Variants in CXCL13 observed in about 807,000 individuals in gnomAD.
The protein encoded by CXCL13 is C-X-C motif chemokine ligand 13, also known as C-X-C motif chemokine 13.
CXCL13 carries 7 observed loss-of-function variants against 12.2 expected under a neutral mutation model. The ratio of observed to expected loss-of-function variants is 0.57; its 90% CI spans 0.33 to 1.07. The LOEUF (loss-of-function observed/expected upper bound fraction) is 1.07. Ranked by LOEUF, CXCL13 falls within the 50% of genes least tolerant of loss-of-function variation. The pLI is 0.04. For missense variants in CXCL13, 113 were observed against 127.4 expected, an observed-to-expected ratio of 0.89 and a Z score of 0.55; for synonymous variants, 47 against 42.4, an observed-to-expected ratio of 1.11 and a Z score of -0.42.
chr4:77,574,870 T>A (rs1453589304), intron 1 of CXCL13, among the ~76,000 whole-genome samples: 1 of 151,994 alleles, frequency 6.6e-6, no homozygotes, highest in Non-Finnish European at 1.5e-5. Context: ...TGTGGTACCC[T>A]TTAAGTTCAT....
intron 1 of CXCL13, among the ~76,000 whole-genome samples, chr4:77,577,243 C>T (rs1357549223): frequency 6.6e-6 from 1 of 152,082 alleles, no homozygotes; most frequent in East Asian, 1.9e-4. Context: ...TTAACCATAG[C>T]CACCAGTTAT....
At chr4:77,544,868 T>A (rs1725312489) in intron 1 of CXCL13, among the ~76,000 whole-genome samples, 1 of 152,324 alleles carries the variant, frequency 6.6e-6, no homozygotes, top group East Asian at 1.9e-4. Flanking sequence ...TCTAGGGTTT[T>A]TATGGTTTTA....
intron 1 of CXCL13, among the ~76,000 whole-genome samples, chr4:77,517,159 G>A (rs958214919): frequency 6.6e-6 from 1 of 152,152 alleles, no homozygotes. Flanking sequence ...TGATTGCACT[G>A]TGGTCTGAGA....
intron 1 of CXCL13, among the ~76,000 whole-genome samples, chr4:77,523,682 T>C (rs1480056517): frequency 6.6e-6 from 1 of 152,186 alleles, no homozygotes; most frequent in Non-Finnish European, 1.5e-5. Context: ...GAGAAGTTTG[T>C]TATTACCGAT....
Position 77,532,220 on chromosome 4 carries a change from T to G in CXCL13, c.-43+20432T>G, listed in dbSNP as rs1481665869. Among the ~76,000 whole-genome samples the G allele has an allele frequency of 2.6e-5, 4 of 152,084 alleles. No homozygotes were observed. The South Asian group carries it at 6.2e-4, about 24-fold the overall frequency. On this transcript the variant is annotated intron_variant, in intron 1 of 4. Coordinates refer to the CXCL13 transcript ENST00000286758. The stretch of plus-strand genomic sequence containing the variant: ...TTTCCATGTTTAGTGCTTCCTTCAG[T>G]AGCTCTTTTAGGGCAGGCCTGGTGG...
At chr4:77,592,606 A>G (rs1227068277) in intron 1 of CXCL13, among the ~76,000 whole-genome samples, 1 of 149,676 alleles carries the variant, frequency 6.7e-6, no homozygotes, top group Non-Finnish European at 1.5e-5. Context: ...GTCAATATAT[A>G]ATGAAATTAA....
At chr4:77,558,580 T>A (rs1282143038) in intron 1 of CXCL13, among the ~76,000 whole-genome samples, 1 of 152,214 alleles carries the variant, frequency 6.6e-6, no homozygotes, top group Non-Finnish European at 1.5e-5. Context: ...TTCAAACTCC[T>A]GACCTCAGGT....
chr4:77,545,173 G>C (rs1231314589), intron 1 of CXCL13, among the ~76,000 whole-genome samples: 1 of 152,160 alleles, frequency 6.6e-6, no homozygotes, highest in Non-Finnish European at 1.5e-5. Context: ...TTTGAAGTCA[G>C]GTAGGGTGAT....
intron 1 of CXCL13, among the ~76,000 whole-genome samples, chr4:77,544,750 A>G (rs1173288720): frequency 6.6e-6 from 1 of 152,158 alleles, no homozygotes; most frequent in African/African-American, 2.4e-5. Flanking sequence ...CTTTAGTTTA[A>G]TTAGATCTCA....
rs138444245 is a variant in CXCL13, at chr4:77,592,061, A to T, written c.-42-13763A>T. Among the ~76,000 whole-genome samples the T allele has an allele frequency of 3.7e-3, 562 of 152,340 alleles. 1 individual carries two copies. The highest frequency in any genetic ancestry group is 0.013 in the African/African-American group (535 of 41,568). ...AAAGAAATAATTGGATCATTATCAC[A>T]TGATCCAGCAATCCCACTTCTGGAT... On this transcript the variant is annotated intron_variant, in intron 1 of 4. Transcript: ENST00000286758.
At chr4:77,516,170 G>T (rs1426352363) in intron 1 of CXCL13, among the ~76,000 whole-genome samples, 1 of 152,166 alleles carries the variant, frequency 6.6e-6, no homozygotes, top group Admixed American at 6.5e-5. Flanking sequence ...ACTTGATCAT[G>T]GTGGATAAGC....
chr4:77,564,995 A>T (rs1330852964), intron 1 of CXCL13, among the ~76,000 whole-genome samples: 1 of 152,050 alleles, frequency 6.6e-6, no homozygotes, highest in Non-Finnish European at 1.5e-5. Context: ...TCACAAGCAC[A>T]TTTTCCATGG....
chr4:77,603,185 A>G (rs923901257), upstream of CXCL13, among the ~76,000 whole-genome samples: 7 of 152,226 alleles, frequency 4.6e-5, no homozygotes, highest in South Asian at 2.1e-4. Flanking sequence ...ACAAGAAAAT[A>G]TATAGTACTT....
intron 1 of CXCL13, among the ~76,000 whole-genome samples, chr4:77,567,170 T>A (rs1725959556): frequency 6.6e-6 from 1 of 152,150 alleles, no homozygotes; most frequent in Non-Finnish European, 1.5e-5. Context: ...GAGAATGTAC[T>A]TTGTAAGATC....
chr4:77,549,933 C>T (rs937118458), intron 1 of CXCL13, among the ~76,000 whole-genome samples: 7 of 152,218 alleles, frequency 4.6e-5, no homozygotes, highest in African/African-American at 1.7e-4. Flanking sequence ...TTCAGCTATG[C>T]CCTGCCCCCA....
upstream of CXCL13, among the ~76,000 whole-genome samples, chr4:77,602,700 T>C (rs1481142630): frequency 6.6e-6 from 1 of 152,192 alleles, no homozygotes; most frequent in African/African-American, 2.4e-5. Flanking sequence ...AAAAATCAGG[T>C]TTGATATAAA....
At chr4:77,537,455 A>G (rs1299432396) in intron 1 of CXCL13, among the ~76,000 whole-genome samples, 3 of 152,216 alleles carry the variant, frequency 2.0e-5, no homozygotes, top group Non-Finnish European at 4.4e-5. Flanking sequence ...AGAGAACAAA[A>G]GTGGTTATTG....
intron 1 of CXCL13, among the ~76,000 whole-genome samples, chr4:77,592,975 G>T (rs1272088791): frequency 6.6e-6 from 1 of 152,210 alleles, no homozygotes; most frequent in South Asian, 2.1e-4. Flanking sequence ...AAGAAATTCA[G>T]AGAGGTTAAT....
chr4:77,518,255 A>G (rs1724479032), intron 1 of CXCL13, among the ~76,000 whole-genome samples: 1 of 152,074 alleles, frequency 6.6e-6, no homozygotes, highest in Admixed American at 6.6e-5. Flanking sequence ...ACTTTGGTAA[A>G]TCTGACAATT....
Sources: gnomAD v4.1 joint callset for allele counts (sites outside exome capture counted in the v4.1 genomes callset) on GRCh38, gnomAD v4.1.1 for gene constraint, MANE v1.5 for transcripts, NCBI Gene and HGNC (gene_info 2026-07-23, HGNC 2026-07-21) for gene names.